The following TMC2 variants were observed in gnomAD, a reference collection of about 807,000 sequenced individuals.
TMC2 encodes transmembrane channel like 2, also known as transmembrane channel-like protein 2.
A neutral mutation model predicts 105.9 loss-of-function variants in TMC2; 102 were observed. The ratio of observed to expected loss-of-function variants is 0.96; its 90% CI spans 0.82 to 1.14. The LOEUF (loss-of-function observed/expected upper bound fraction) is 1.14, where lower values mean the gene tolerates loss of function less well. Ranked by LOEUF, TMC2 falls within the 50% of genes most tolerant of loss-of-function variation. The pLI, the probability that TMC2 is intolerant of heterozygous loss-of-function variation, is 0.00. For synonymous variants in TMC2, 402 were observed against 422.8 expected, an observed-to-expected ratio of 0.95 and a Z score of 0.60; for missense variants, 1,093 against 1,134.3, an observed-to-expected ratio of 0.96 and a Z score of 0.52.
At chr20:2,606,476 T>A (rs1029517364) in intron 11 of TMC2, among the ~76,000 whole-genome samples, 15 of 152,132 alleles carry the variant, frequency 9.9e-5, no homozygotes, top group African/African-American at 3.6e-4. Flanking sequence ...GCCAGGCTGG[T>A]CTCAAACTCC....
At position 2,582,836 on chromosome 20, in the gene TMC2, A is replaced by G. The variant is rs1040370259; in HGVS notation, c.834+2780A>G. Among the ~76,000 whole-genome samples, 20 of 152,316 alleles carry G rather than the reference A, an allele frequency of 1.3e-4. No homozygotes were observed. In the South Asian group the frequency reaches 1.7e-3, roughly 13 times the overall value. ...CATTTTCCTTTTGCCACAAACTCTCAATACCACTTTATGAAATTAAACAGC... is the reference window on the plus strand; with the variant it reads ...CATTTTCCTTTTGCCACAAACTCTCGATACCACTTTATGAAATTAAACAGC... On this transcript the variant is annotated intron_variant, in intron 7 of 19. Coordinates refer to ENST00000358864, the MANE Select transcript of TMC2 (RefSeq NM_080751.3).
At chr20:2,596,964 G>A (rs1052818220) in intron 9 of TMC2, among the ~76,000 whole-genome samples, 187 bp from the exon 10 acceptor site, 1 of 152,086 alleles carries the variant, frequency 6.6e-6, no homozygotes, top group African/African-American at 2.4e-5. Context: ...TCTGAATTTG[G>A]GGGGAAGGGT....
At chr20:2,607,237 C>T (rs752228570) in intron 11 of TMC2, among the ~76,000 whole-genome samples, 3 of 152,130 alleles carry the variant, frequency 2.0e-5, no homozygotes, top group Non-Finnish European at 2.9e-5. Flanking sequence ...GCTCTCTCTT[C>T]CACTGTTTTT....
At chr20:2,578,197 G>A (rs1387392736) in intron 5 of TMC2, among the ~76,000 whole-genome samples, 2 of 151,328 alleles carry the variant, frequency 1.3e-5, no homozygotes, top group Non-Finnish European at 2.9e-5. Flanking sequence ...GTGCGTGCTT[G>A]TAATCCCAGC....
intron 17 of TMC2, among the ~76,000 whole-genome samples, chr20:2,626,806 C>T (rs113221827): frequency 2.1e-4 from 32 of 152,172 alleles, no homozygotes; most frequent in East Asian, 1.5e-3. Context: ...ACAGTTACTA[C>T]GGGACTGAAC....
At chr20:2,559,009 C>T (rs986687406) in intron 3 of TMC2, among the ~76,000 whole-genome samples, 1 of 152,132 alleles carries the variant, frequency 6.6e-6, no homozygotes, top group African/African-American at 2.4e-5. Context: ...CGCGGGCTCT[C>T]CACTCCAGCG....
intron 18 of TMC2, among the ~76,000 whole-genome samples, chr20:2,637,209 T>C (rs1328042494): frequency 3.1e-5 from 2 of 63,624 alleles, no homozygotes; most frequent in Non-Finnish European, 7.0e-5. Flanking sequence ...GCTAACATGG[T>C]GAACCCGTCT....
At chr20:2,595,536 A>G (rs1295220740) in intron 9 of TMC2, among the ~76,000 whole-genome samples, 1 of 151,896 alleles carries the variant, frequency 6.6e-6, no homozygotes, top group Non-Finnish European at 1.5e-5. Context: ...CCCCAACTCT[A>G]CTTGTCTCTG....
chr20:2,586,331 A>T (rs1449252326), intron 7 of TMC2, among the ~76,000 whole-genome samples: 1 of 152,236 alleles, frequency 6.6e-6, no homozygotes, highest in Non-Finnish European at 1.5e-5. Flanking sequence ...GCCTGTGTTC[A>T]AACAGGAGAA....
chr20:2,612,758 G>T (rs1382381780), intron 13 of TMC2, among the ~76,000 whole-genome samples: 1 of 152,186 alleles, frequency 6.6e-6, no homozygotes, highest in Admixed American at 6.5e-5. Context: ...GCTAGGCATT[G>T]TCTCCAGTGA....
At chr20:2,637,648 A>T in intron 19 of TMC2, 57 bp downstream of exon 19, 1 of 1,214,990 alleles carries the variant, frequency 8.2e-7, no homozygotes, top group Non-Finnish European at 1.2e-6. Flanking sequence ...AGGTGTAAAG[A>T]GCCTATGAAA....
chr20:2,541,982 T>C (rs1267829118), intron 2 of TMC2, among the ~76,000 whole-genome samples: 1 of 152,166 alleles, frequency 6.6e-6, no homozygotes, highest in Non-Finnish European at 1.5e-5. Flanking sequence ...CTCCCCCATA[T>C]TGATATGTGA....
intron 17 of TMC2, among the ~76,000 whole-genome samples, chr20:2,633,383 T>A (rs946313851): frequency 6.6e-6 from 1 of 152,176 alleles, no homozygotes; most frequent in African/African-American, 2.4e-5. Context: ...CTCTATAGAT[T>A]CCCAGGAATA....
intron 14 of TMC2, among the ~76,000 whole-genome samples, 165 bp from the exon 15 acceptor site, chr20:2,615,972 A>G (rs2086477721): frequency 6.6e-6 from 1 of 152,262 alleles, no homozygotes; most frequent in South Asian, 2.1e-4. Flanking sequence ...AACATATTAA[A>G]GAAATAGAAT....
At chr20:2,550,668 CA>C (rs1406873467) in intron 2 of TMC2, among the ~76,000 whole-genome samples, 5 of 152,314 alleles carry the variant, frequency 3.3e-5, no homozygotes, top group African/African-American at 1.2e-4. Flanking sequence ...CCTCAGCAAC[CA>C]CTGATCATTT....
chr20:2,630,663 C>T (rs2146264997), intron 17 of TMC2, among the ~76,000 whole-genome samples: 1 of 152,128 alleles, frequency 6.6e-6, no homozygotes, highest in South Asian at 2.1e-4. Flanking sequence ...TCTACAAAAA[C>T]TTTAAAAATT....
At chr20:2,613,354 A>G in intron 14 of TMC2, 32 bp downstream of exon 14, 1 of 1,613,766 alleles carries the variant, frequency 6.2e-7, no homozygotes, top group Non-Finnish European at 8.5e-7. Flanking sequence ...ATTCCGCACA[A>G]AGGAATTTCA....
intron 3 of TMC2, 57 bp from the exon 4 acceptor site, chr20:2,561,801 T>C (rs988723496): frequency 3.0e-5 from 48 of 1,575,500 alleles, no homozygotes; most frequent in African/African-American, 5.4e-5. Flanking sequence ...CCACAGCACC[T>C]GAGGACACCA....
chr20:2,624,437 T>C, intron 17 of TMC2, 41 bp downstream of exon 17: 3 of 1,587,608 alleles, frequency 1.9e-6, no homozygotes, highest in Non-Finnish European at 2.6e-6. Context: ...CACGGAAACT[T>C]CTCCTTGAAT....
Sources: gnomAD v4.1 joint callset for allele counts (sites outside exome capture counted in the v4.1 genomes callset) on GRCh38, gnomAD v4.1.1 for gene constraint, MANE v1.5 for transcripts, NCBI Gene and HGNC (gene_info 2026-07-23, HGNC 2026-07-21) for gene names.